The following ZNF423 variants were observed in gnomAD, a reference collection of about 807,000 sequenced individuals.
ZNF423 encodes the protein Ebf-associated zinc finger protein.
ZNF423 carries 12 observed loss-of-function variants against 95.8 expected under a neutral mutation model. The ratio of observed to expected loss-of-function variants is 0.13; its 90% confidence interval spans 0.08 to 0.20. The LOEUF is 0.20. Among genes scored for constraint, ZNF423 ranks in the 10% least tolerant of loss-of-function variants. The probability of loss-of-function intolerance (pLI) is 1.00; values close to 1 mark genes in which losing one functional copy is unlikely to be tolerated. For missense variants in ZNF423, 1,316 were observed against 1,737.1 expected (o/e 0.76, Z 4.31); for synonymous variants, 749 against 711.9 (o/e 1.05, Z -0.83).
intron 5 of ZNF423, 116 bp from the exon 6 acceptor site, chr16:49,525,610 G>A (rs1310114654): frequency 1.4e-6 from 2 of 1,451,274 alleles, no homozygotes; most frequent in Non-Finnish European, 1.9e-6. Context: ...CAGCACCGGG[G>A]CTGGTGAAGG....
intron 1 of ZNF423, among the ~76,000 whole-genome samples, chr16:49,836,539 C>T (rs992387202): frequency 1.3e-5 from 2 of 152,136 alleles, no homozygotes; most frequent in African/African-American, 4.8e-5. Flanking sequence ...CAGGCAGGCA[C>T]CAGGCATGGG....
intron 7 of ZNF423, among the ~76,000 whole-genome samples, chr16:49,510,351 T>C (rs933885423): frequency 5.9e-5 from 9 of 151,950 alleles, no homozygotes; most frequent in African/African-American, 1.9e-4. Context: ...CCCCCAAACC[T>C]CATTTCTGGG....
chr16:49,793,259 T>C (rs1385701944), intron 1 of ZNF423, among the ~76,000 whole-genome samples: 2 of 152,114 alleles, frequency 1.3e-5, no homozygotes, highest in Non-Finnish European at 2.9e-5. Flanking sequence ...CGTCTGCAAC[T>C]GGAGCTGGGG....
intron 1 of ZNF423, among the ~76,000 whole-genome samples, chr16:49,835,254 C>A (rs893995876): frequency 6.6e-5 from 10 of 152,188 alleles, no homozygotes; most frequent in Non-Finnish European, 1.3e-4. Context: ...TCAGCCCTGG[C>A]CTTGAGCCCA....
chr16:49,798,073 G>T (rs1344841469), intron 1 of ZNF423, among the ~76,000 whole-genome samples: 1 of 152,168 alleles, frequency 6.6e-6, no homozygotes, highest in Non-Finnish European at 1.5e-5. Flanking sequence ...AACCAGACAT[G>T]GTGGTATGTG....
intron 1 of ZNF423, among the ~76,000 whole-genome samples, chr16:49,817,984 A>G (rs2034883133): frequency 1.3e-5 from 2 of 151,980 alleles, no homozygotes; most frequent in African/African-American, 2.4e-5. Context: ...GAGTTCGTCA[A>G]CTGTGCCAAG....
rs1967595970 is a variant in ZNF423, at chr16:49,505,514, G to GC, written c.3850-14211dup. Among the ~76,000 whole-genome samples the GC allele has an allele frequency of 2.6e-5, 4 of 151,514 alleles. No homozygotes were observed. In the South Asian group the frequency reaches 8.4e-4, roughly 32 times the overall value. On this transcript the variant is annotated intron_variant, in intron 7 of 7. Transcript: ENST00000563137. Reference sequence around the variant, plus strand: ...CATCAACCCCCAAGAATGGCCCCCAGCCCCTCATGGCCCAGCCCCCTTGCT... The same window carrying GC: ...CATCAACCCCCAAGAATGGCCCCCAGCCCCCTCATGGCCCAGCCCCCTTGCT...
intron 5 of ZNF423, among the ~76,000 whole-genome samples, chr16:49,574,955 C>G (rs1030905315): frequency 6.6e-6 from 1 of 152,158 alleles, no homozygotes; most frequent in African/African-American, 2.4e-5. Flanking sequence ...ACTTGCTAAT[C>G]GGAGGCATTT....
rs150435642 is a variant in ZNF423 at position 49,495,301 on chromosome 16, G to A, written c.3850-3997C>T. ...TTTTGGGGGCCTCTGCCTGGCACACGGGGCCAGGGACACAAGACAGTGATA... is the reference window on the plus strand; with the variant it reads ...TTTTGGGGGCCTCTGCCTGGCACACAGGGCCAGGGACACAAGACAGTGATA... On this transcript the variant is annotated intron_variant, in intron 7 of 7. Coordinates refer to ENST00000563137, the MANE Select transcript of ZNF423 (RefSeq NM_001379286.1). 3.9e-3 allele frequency among the ~76,000 whole-genome samples: 593 copies of A among 152,280 alleles called. 5 individuals are homozygous for A. Among genetic ancestry groups the A allele is most frequent in the African/African-American group, 0.013 (535 of 41,558 alleles).
At position 49,491,172 on chromosome 16, in the gene ZNF423, C is replaced by T; in HGVS notation, c.*103G>A. 3 of 1,395,358 alleles carry T rather than the reference C, an allele frequency of 2.1e-6. No individual in the cohort carries two copies. Among genetic ancestry groups the T allele is most frequent in the Non-Finnish European group, 3.1e-6 (3 of 982,848 alleles). The allele number at this position is 1,395,358 out of a possible 1,614,324, so 86.4% of individuals were successfully genotyped here. On this transcript the variant is annotated 3_prime_UTR_variant, in exon 8 of 8. Transcript: ENST00000563137. ...TGGCCAAATCATTAGAGTTTTACAT[C>T]TGGGTTGCAAATGACACTTTGATTG...
intron 3 of ZNF423, among the ~76,000 whole-genome samples, chr16:49,697,323 C>T (rs1027337462): frequency 3.3e-5 from 5 of 152,126 alleles, no homozygotes; most frequent in African/African-American, 1.2e-4. Flanking sequence ...GGCCAGGAAT[C>T]CTGTGCAAGG....
intron 7 of ZNF423, among the ~76,000 whole-genome samples, chr16:49,510,892 C>A (rs1351136542): frequency 6.6e-6 from 1 of 152,222 alleles, no homozygotes; most frequent in African/African-American, 2.4e-5. Flanking sequence ...CTGGCAGCTC[C>A]CCCGTGCCCA....
intron 5 of ZNF423, among the ~76,000 whole-genome samples, chr16:49,605,514 C>T (rs964341226): frequency 1.3e-5 from 2 of 152,212 alleles, no homozygotes; most frequent in Non-Finnish European, 2.9e-5. Context: ...GAGAGAACTC[C>T]AACTCAGCCT....
At chr16:49,508,857 A>C (rs1414216507) in intron 7 of ZNF423, among the ~76,000 whole-genome samples, 1 of 152,218 alleles carries the variant, frequency 6.6e-6, no homozygotes, top group Admixed American at 6.5e-5. Flanking sequence ...AGAACCCCAA[A>C]GAGCATAAGA....
chr16:49,534,151 A>G (rs566204165), intron 5 of ZNF423, among the ~76,000 whole-genome samples: 1 of 152,318 alleles, frequency 6.6e-6, no homozygotes, highest in East Asian at 1.9e-4. Context: ...ACAAGAGCAC[A>G]AAAAATTTTT....
At chr16:49,574,157 G>A (rs1206325471) in intron 5 of ZNF423, among the ~76,000 whole-genome samples, 1 of 152,210 alleles carries the variant, frequency 6.6e-6, no homozygotes, top group Non-Finnish European at 1.5e-5. Flanking sequence ...GCTGAGGCGG[G>A]AGGACTGCTT....
At chr16:49,630,276 T>A (rs1355605028) in intron 4 of ZNF423, among the ~76,000 whole-genome samples, 2 of 152,082 alleles carry the variant, frequency 1.3e-5, no homozygotes, top group African/African-American at 4.8e-5. Flanking sequence ...TCAGGTCAAC[T>A]CCAGGGCCAT....
upstream of ZNF423, among the ~76,000 whole-genome samples, chr16:49,858,726 C>CA (rs1223919783): frequency 1.4e-5 from 2 of 143,718 alleles, no homozygotes; most frequent in Non-Finnish European, 3.2e-5. The surrounding 1 kb of genome is among the most constrained non-coding windows in gnomAD (Gnocchi z 4.3). Flanking sequence ...AGCCCCCCCC[C>CA]CCACGCCCCC....
At chr16:49,811,660 G>C (rs1375210723) in intron 1 of ZNF423, among the ~76,000 whole-genome samples, 2 of 152,118 alleles carry the variant, frequency 1.3e-5, no homozygotes, top group Admixed American at 6.5e-5. Flanking sequence ...AGCCATTTCC[G>C]GGCCCAGAAG....
Sources: gnomAD v4.1 joint callset for allele counts (sites outside exome capture counted in the v4.1 genomes callset) on GRCh38, gnomAD v4.1.1 for gene constraint, Gnocchi (gnomAD v3.1) non-coding constraint, MANE v1.5 for transcripts, NCBI Gene and HGNC (gene_info 2026-07-23, HGNC 2026-07-21) for gene names.